FUT8: variants seen among roughly 807,000 people sequenced by gnomAD.
FUT8 encodes alpha-(1,6)-fucosyltransferase.
Under a neutral mutation model 71.3 loss-of-function variants are expected in FUT8, and 29 were observed. The ratio of observed to expected loss-of-function variants is 0.41; its 90% CI spans 0.30 to 0.55. The LOEUF (loss-of-function observed/expected upper bound fraction) is 0.55. Ranked by LOEUF, FUT8 falls within the 20% of genes least tolerant of loss-of-function variation. FUT8 has a pLI of 0.34. For synonymous variants in FUT8, 254 were observed against 239.3 expected, an observed-to-expected ratio of 1.06 and a Z score of -0.57; for missense variants, 544 against 702.1, an observed-to-expected ratio of 0.77 and a Z score of 2.55.
At chr14:65,406,527 GCTCT>G (rs770898838), upstream of FUT8, among the ~76,000 whole-genome samples, 43 of 151,844 alleles carry the variant, frequency 2.8e-4, no homozygotes, top group Non-Finnish European at 5.3e-4. Context: ...TTCGTCTCTC[GCTCT>G]CTCTCTTTCT....
intron 2 of FUT8, among the ~76,000 whole-genome samples, chr14:65,460,965 G>A (rs904890041): frequency 6.6e-6 from 1 of 152,158 alleles, no homozygotes; most frequent in Non-Finnish European, 1.5e-5. Context: ...TTAAGACAGT[G>A]GACTGGTAAA....
At chr14:65,668,835 A>G (rs1427554775) in intron 6 of FUT8, among the ~76,000 whole-genome samples, 1 of 152,212 alleles carries the variant, frequency 6.6e-6, no homozygotes, top group Admixed American at 6.5e-5. Flanking sequence ...TATATCATGG[A>G]ATAGTATGAA....
chr14:65,729,034 GTTTTTTTTTTT>G (rs557668131), intron 9 of FUT8, among the ~76,000 whole-genome samples: 2 of 103,664 alleles, frequency 1.9e-5, no homozygotes, highest in African/African-American at 7.8e-5. Flanking sequence ...TTGTAAACAT[GTTTTTTTTTTT>G]TTTTTTTTTT....
chr14:65,568,992 GAT>G (rs1886339924), intron 3 of FUT8, among the ~76,000 whole-genome samples: 3 of 151,608 alleles, frequency 2.0e-5, no homozygotes, highest in African/African-American at 7.3e-5. Context: ...CATTTTGTTA[GAT>G]ATTTCTATTG....
At chr14:65,445,141 G>A (rs1233759281) in intron 1 of FUT8, among the ~76,000 whole-genome samples, 2 of 152,128 alleles carry the variant, frequency 1.3e-5, no homozygotes, top group African/African-American at 4.8e-5. Context: ...GCGAGGCAGA[G>A]GATGCAGTGA....
chr14:65,678,877 A>G (rs573171218), intron 7 of FUT8, among the ~76,000 whole-genome samples: 188 of 152,304 alleles, frequency 1.2e-3, no homozygotes, highest in African/African-American at 3.8e-3. Flanking sequence ...GTATCTCTCT[A>G]TTGACTGGAA....
chr14:65,556,353 G>A (rs1037363413), intron 2 of FUT8, among the ~76,000 whole-genome samples: 1 of 152,142 alleles, frequency 6.6e-6, no homozygotes, highest in African/African-American at 2.4e-5. Flanking sequence ...ACGTTCACTG[G>A]TCATTGGCGG....
chr14:65,470,678 A>T (rs771745953), intron 2 of FUT8, among the ~76,000 whole-genome samples: 7 of 151,870 alleles, frequency 4.6e-5, no homozygotes, highest in Non-Finnish European at 8.8e-5. Flanking sequence ...GACCCTGGGG[A>T]TGTAGCCCCG....
At chr14:65,714,745 T>G (rs994164236) in intron 7 of FUT8, among the ~76,000 whole-genome samples, 1 of 152,194 alleles carries the variant, frequency 6.6e-6, no homozygotes, top group African/African-American at 2.4e-5. Flanking sequence ...TTTGGTGTCC[T>G]CTTCCATTTC....
intron 3 of FUT8, among the ~76,000 whole-genome samples, chr14:65,562,324 C>G (rs1885958013): frequency 6.6e-6 from 1 of 151,952 alleles, no homozygotes; most frequent in African/African-American, 2.4e-5. Context: ...ATTATAATAA[C>G]TGGGAGGCTG....
At chr14:65,433,505 C>T (rs1297777984) in intron 1 of FUT8, among the ~76,000 whole-genome samples, 2 of 152,118 alleles carry the variant, frequency 1.3e-5, no homozygotes, top group Non-Finnish European at 2.9e-5. Flanking sequence ...TGCCTTTCTT[C>T]AGATATTGAT....
intron 2 of FUT8, among the ~76,000 whole-genome samples, chr14:65,515,015 G>A (rs1882615105): frequency 6.8e-6 from 1 of 147,768 alleles, no homozygotes; most frequent in African/African-American, 2.5e-5. Flanking sequence ...GAATTCAGTG[G>A]TTACTTGGTT....
At chr14:65,678,691 G>C (rs1469815164) in intron 7 of FUT8, among the ~76,000 whole-genome samples, 1 of 152,146 alleles carries the variant, frequency 6.6e-6, no homozygotes, top group Non-Finnish European at 1.5e-5. Flanking sequence ...TTAGGAATCT[G>C]AACATACCCC....
chr14:65,410,091 T>C (rs1014064773), upstream of FUT8, among the ~76,000 whole-genome samples: 4 of 152,234 alleles, frequency 2.6e-5, no homozygotes, highest in African/African-American at 9.6e-5. Flanking sequence ...TGGCCAGTGA[T>C]GTTTAGAACC....
intron 6 of FUT8, among the ~76,000 whole-genome samples, chr14:65,649,553 C>T (rs1891265904): frequency 6.6e-6 from 1 of 152,106 alleles, no homozygotes; most frequent in East Asian, 1.9e-4. Flanking sequence ...TAGTGCCCTG[C>T]CTTTTGTACT....
chr14:65,650,707 C>CAAAAAAAAAAAAAAAAA (rs57971519), intron 6 of FUT8, among the ~76,000 whole-genome samples: 15 of 118,966 alleles, frequency 1.3e-4, no homozygotes, highest in Admixed American at 2.6e-4. Context: ...CTGCTAATTA[C>CAAAAAAAAAAAAAAAAA]AAAAAAAAAA....
chr14:65,424,519 TTC>T (rs2065353033), intron 1 of FUT8, among the ~76,000 whole-genome samples: 1 of 151,410 alleles, frequency 6.6e-6, no homozygotes, highest in Non-Finnish European at 1.5e-5. Flanking sequence ...ACCTCTTACT[TTC>T]TATTTTTCTT....
rs1032282293 is a variant in FUT8, at chr14:65,498,372, T to G, written c.-228+42654T>G. Among the ~76,000 whole-genome samples the G allele has an allele frequency of 7.9e-5, 12 of 152,346 alleles. No homozygotes were observed. In the South Asian group the frequency reaches 2.5e-3, roughly 32 times the overall value. Reference sequence around the variant, plus strand: ...GGTATCTTTAGCCCACAAATCTTTTTGGCTCCAGTATCCACTTTAATAATT... The same window carrying G: ...GGTATCTTTAGCCCACAAATCTTTTGGGCTCCAGTATCCACTTTAATAATT... On this transcript the variant is annotated intron_variant, in intron 2 of 10. Coordinates refer to ENST00000673929, the MANE Select transcript of FUT8 (RefSeq NM_001371533.1).
At chr14:65,629,865 T>C (rs988524505) in intron 6 of FUT8, among the ~76,000 whole-genome samples, 16 of 146,668 alleles carry the variant, frequency 1.1e-4, no homozygotes, top group Admixed American at 6.8e-5. Flanking sequence ...CACAATACAA[T>C]ACAAATATAA....
Sources: gnomAD v4.1 joint callset for allele counts (sites outside exome capture counted in the v4.1 genomes callset) on GRCh38, gnomAD v4.1.1 for gene constraint, MANE v1.5 for transcripts, NCBI Gene and HGNC (gene_info 2026-07-23, HGNC 2026-07-21) for gene names.